LDLRAD4: variants seen among roughly 807,000 people sequenced by gnomAD.
LDLRAD4 encodes low density lipoprotein receptor class A domain containing 4.
Under a neutral mutation model 17.0 loss-of-function variants are expected in LDLRAD4, and 5 were observed. The observed-to-expected ratio is 0.29, with a 90% CI of 0.15 to 0.62. LDLRAD4 has a LOEUF of 0.62. Among genes scored for constraint, LDLRAD4 ranks in the 20% least tolerant of loss-of-function variants. The pLI is 0.84. For missense variants in LDLRAD4, 340 were observed against 424.7 expected, an observed-to-expected ratio of 0.80 and a Z score of 1.75; for synonymous variants, 168 against 171.8, an observed-to-expected ratio of 0.98 and a Z score of 0.17.
rs1257187738 is a variant in LDLRAD4, at chr18:13,300,733, C to A, written c.-383+22545C>A. Among the ~76,000 whole-genome samples the A allele has an allele frequency of 3.3e-5, 5 of 152,192 alleles. No homozygotes were observed. The highest frequency in any genetic ancestry group is 3.3e-4 in the Admixed American group (5 of 15,290). Reference sequence around the variant, plus strand: ...AGTGTCAGAGTGGGCAGAGGGAATGCATTGGGTTGTATTTCAGTGAGGGGT... The same window carrying A: ...AGTGTCAGAGTGGGCAGAGGGAATGAATTGGGTTGTATTTCAGTGAGGGGT... On this transcript the variant is annotated intron_variant, in intron 1 of 5. Coordinates refer to ENST00000359446, the Ensembl canonical transcript of LDLRAD4. The surrounding 1 kb of genome is among the most constrained non-coding windows in gnomAD (Gnocchi z 4.2).
At chr18:13,423,734 C>T (rs1263304618) in intron 2 of LDLRAD4, 1 of 152,622 alleles carries the variant, frequency 6.6e-6, no homozygotes, top group Non-Finnish European at 1.5e-5. Flanking sequence ...TTCTTTCACA[C>T]ATGTCCTTTA....
chr18:13,310,903 C>G (rs1055178945), intron 1 of LDLRAD4, among the ~76,000 whole-genome samples: 2 of 152,154 alleles, frequency 1.3e-5, no homozygotes, highest in Non-Finnish European at 2.9e-5. Context: ...TGGAAAGATG[C>G]AGATTCTGGA....
In LDLRAD4 at chr18:13,289,073, G is replaced by A. The variant is rs75296933; in HGVS notation, c.-383+10885G>A. ...CACCAGTCAGGCCTCATAAGGAGCT[G>A]GGACTCTGTTCCTCTTTGCAACAAT... On this transcript the variant is annotated intron_variant, in intron 1 of 5. Coordinates refer to ENST00000359446, the Ensembl canonical transcript of LDLRAD4. 3.5e-3 allele frequency among the ~76,000 whole-genome samples: 530 copies of A among 152,328 alleles called. 3 individuals carry two copies. Among genetic ancestry groups the A allele is most frequent in the African/African-American group, 0.012 (498 of 41,568 alleles).
chr18:13,427,079 G>A (rs946475065), intron 2 of LDLRAD4, among the ~76,000 whole-genome samples: 2 of 152,146 alleles, frequency 1.3e-5, no homozygotes, highest in African/African-American at 4.8e-5. Context: ...CCAGCTACTC[G>A]GGAGGCTGAG....
chr18:13,449,394 C>T (rs922362284), intron 3 of LDLRAD4, among the ~76,000 whole-genome samples: 4 of 152,220 alleles, frequency 2.6e-5, no homozygotes, highest in African/African-American at 4.8e-5. Context: ...CAGCACTTCT[C>T]CTGCCAGCCA....
chr18:13,345,011 G>A (rs1224889958), intron 1 of LDLRAD4, among the ~76,000 whole-genome samples: 5 of 152,078 alleles, frequency 3.3e-5, no homozygotes, highest in Non-Finnish European at 5.9e-5. Flanking sequence ...TAGATATACA[G>A]TCATGTCATC....
intron 1 of LDLRAD4, among the ~76,000 whole-genome samples, chr18:13,319,231 G>T (rs2081091273): frequency 6.6e-6 from 1 of 152,170 alleles, no homozygotes; most frequent in Admixed American, 6.5e-5. Flanking sequence ...CGAATCGATT[G>T]TCGTAATGAA....
intron 1 of LDLRAD4, among the ~76,000 whole-genome samples, chr18:13,325,731 T>G (rs1452509023): frequency 1.3e-5 from 2 of 151,616 alleles, no homozygotes; most frequent in East Asian, 3.9e-4. Context: ...ATCTGTAATG[T>G]GGGGATGGCA....
chr18:13,629,472 A>G (rs796815422), intron 4 of LDLRAD4, among the ~76,000 whole-genome samples: 3 of 152,366 alleles, frequency 2.0e-5, no homozygotes, highest in African/African-American at 7.2e-5. Context: ...TGATCTGTGC[A>G]GTAAAACTTT....
At chr18:13,507,852 A>C (rs745415907) in intron 3 of LDLRAD4, among the ~76,000 whole-genome samples, 1 of 152,144 alleles carries the variant, frequency 6.6e-6, no homozygotes, top group Admixed American at 6.5e-5. Context: ...TATGTGTTCA[A>C]GTGGAAGGAA....
At chr18:13,332,398 C>T (rs2081910244) in intron 1 of LDLRAD4, among the ~76,000 whole-genome samples, 1 of 152,160 alleles carries the variant, frequency 6.6e-6, no homozygotes, top group South Asian at 2.1e-4. Flanking sequence ...TTAATGAGCC[C>T]ATACTGAAAC....
intron 4 of LDLRAD4, among the ~76,000 whole-genome samples, chr18:13,623,154 TG>T (rs1459146152): frequency 2.6e-5 from 4 of 152,218 alleles, no homozygotes; most frequent in African/African-American, 9.6e-5. Flanking sequence ...GTCAAAAAAG[TG>T]TCTTCTGTGT....
At chr18:13,485,048 G>A (rs1250060290) in intron 3 of LDLRAD4, among the ~76,000 whole-genome samples, 1 of 152,168 alleles carries the variant, frequency 6.6e-6, no homozygotes, top group African/African-American at 2.4e-5. Context: ...ATTCTGCAGC[G>A]TATTTACTGA....
At chr18:13,251,248 A>G (rs2043210152) in intron 1 of LDLRAD4, among the ~76,000 whole-genome samples, 1 of 152,226 alleles carries the variant, frequency 6.6e-6, no homozygotes, top group Admixed American at 6.5e-5. Flanking sequence ...AGGGCCATAA[A>G]TGACAAAACC....
At chr18:13,459,983 T>C (rs982818725) in intron 3 of LDLRAD4, 8 of 154,034 alleles carry the variant, frequency 5.2e-5, no homozygotes, top group African/African-American at 1.9e-4. Context: ...ACATGGTTAA[T>C]GTTCCACAGC....
intron 3 of LDLRAD4, chr18:13,526,000 G>T (rs1436475184): frequency 1.3e-5 from 2 of 152,152 alleles, no homozygotes; most frequent in East Asian, 3.8e-4. Flanking sequence ...TACTTTTTAG[G>T]TATTAATCAT....
intron 1 of LDLRAD4, among the ~76,000 whole-genome samples, chr18:13,339,637 CTT>C (rs917023205): frequency 1.3e-5 from 2 of 151,844 alleles, no homozygotes; most frequent in Non-Finnish European, 2.9e-5. Flanking sequence ...TAAAATAAAA[CTT>C]TTTTTTATTA....
chr18:13,260,979 C>T (rs962580290), intron 1 of LDLRAD4, among the ~76,000 whole-genome samples: 19 of 152,308 alleles, frequency 1.2e-4, no homozygotes, highest in African/African-American at 4.3e-4. Flanking sequence ...AAGACACTGC[C>T]GGTGCCCCAC....
chr18:13,644,758 GCA>G, intron 5 of LDLRAD4: 1 of 206,370 alleles, frequency 4.8e-6, no homozygotes, highest in Non-Finnish European at 9.6e-6. Flanking sequence ...AGATCCAAGT[GCA>G]GGCCGCAGTG....
Sources: allele counts gnomAD v4.1 joint callset (sites outside exome capture counted in the v4.1 genomes callset), GRCh38; gene constraint gnomAD v4.1.1; non-coding constraint Gnocchi (gnomAD v3.1); transcripts MANE v1.5; gene names NCBI Gene and HGNC (gene_info 2026-07-23, HGNC 2026-07-21).